The following CACNA2D4 variants were observed in gnomAD, a reference collection of about 807,000 sequenced individuals.
CACNA2D4 encodes the protein voltage-dependent calcium channel subunit alpha-2/delta-4.
In CACNA2D4, 157 loss-of-function variants were observed where a neutral mutation model predicts 163.8. That is an observed-to-expected ratio of 0.96 (90% confidence interval 0.84 to 1.09). The LOEUF is 1.09. Among genes scored for constraint, CACNA2D4 ranks in the 50% least tolerant of loss-of-function variants. CACNA2D4 has a pLI of 0.00. For missense variants in CACNA2D4, 1,410 were observed against 1,479.9 expected, an observed-to-expected ratio of 0.95 and a Z score of 0.78; for synonymous variants, 598 against 586.9, an observed-to-expected ratio of 1.02 and a Z score of -0.27.
chr12:1,814,441 C>T (rs947791892), intron 26 of CACNA2D4, among the ~76,000 whole-genome samples: 4 of 152,314 alleles, frequency 2.6e-5, no homozygotes, highest in African/African-American at 7.2e-5. Flanking sequence ...GCCCTTGGGT[C>T]ACAGAGCGCT....
intron 26 of CACNA2D4, chr12:1,827,863 TCGGGCTCCTGGAAAGCCGAAGCCTGCC>T (rs1184853794): frequency 2.7e-6 from 1 of 373,888 alleles, no homozygotes; most frequent in Non-Finnish European, 4.8e-6. Flanking sequence ...TGCCCGACCC[TCGGGCTCCTGGAAAGCCGAAGCCTGCC>T]CCGCCCCCAT....
intron 6 of CACNA2D4, among the ~76,000 whole-genome samples, chr12:1,902,749 T>C (rs948510326): frequency 1.3e-5 from 2 of 152,122 alleles, no homozygotes; most frequent in Admixed American, 6.5e-5. Context: ...TCCATGTTCA[T>C]GGATTGGAAG....
intron 1 of CACNA2D4, 110 bp from the exon 2 acceptor site, chr12:1,915,045 A>G (rs1866931741): frequency 2.5e-6 from 2 of 802,300 alleles, no homozygotes; most frequent in Non-Finnish European, 4.4e-6. Flanking sequence ...GTCTACACAC[A>G]GACACCTGCT....
chr12:1,801,262 T>C (rs1471684372), intron 30 of CACNA2D4, 144 bp from the exon 31 acceptor site: 2 of 710,762 alleles, frequency 2.8e-6, no homozygotes, highest in Admixed American at 4.2e-5. Context: ...ATACAGCTCA[T>C]GCTGAAAATT....
At chr12:1,871,559 G>T (rs1485065039) in intron 18 of CACNA2D4, among the ~76,000 whole-genome samples, 1 of 151,068 alleles carries the variant, frequency 6.6e-6, no homozygotes, top group Non-Finnish European at 1.5e-5. Flanking sequence ...ACACGTGTGT[G>T]CTGGTGTGTG....
rs1421080395 is a variant in CACNA2D4 at position 1,811,657 on chromosome 12, C to A, written c.2613+5G>T. 4.5e-6 allele frequency: 7 copies of A among 1,559,280 alleles called. No individual in the cohort carries two copies. Among genetic ancestry groups the A allele is most frequent in the Non-Finnish European group, 6.1e-6 (7 of 1,151,134 alleles). On this transcript the variant is annotated splice_donor_5th_base_variant and intron_variant, in intron 27 of 37. Coordinates refer to ENST00000382722, the MANE Select transcript of CACNA2D4 (RefSeq NM_172364.5). ...AGCCCCGACCTGGCCCGACATCACA[C>A]CTACCTGCCGCGTTGCCGCCCAGAA...
At chr12:1,823,320 A>G (rs533360089) in intron 26 of CACNA2D4, 1 of 152,374 alleles carries the variant, frequency 6.6e-6, no homozygotes, top group South Asian at 2.1e-4. Flanking sequence ...GAGACTGATT[A>G]ATTAACCTCC....
rs541423927 is a variant in CACNA2D4 at position 1,828,747 on chromosome 12, T to A, written c.2551+11992A>T. ...CTAGTGGGCTCGTGGGATGCGGCGC[T>A]GGAAGAGACTTTGGGGAGTGGGTCC... On this transcript the variant is annotated intron_variant, in intron 26 of 37. Coordinates refer to ENST00000382722, the MANE Select transcript of CACNA2D4 (RefSeq NM_172364.5). This position sits in a 1 kb window ranked among gnomAD's most constrained non-coding sequence, Gnocchi z 4.2. Among the ~76,000 whole-genome samples the A allele has an allele frequency of 3.9e-5, 6 of 152,166 alleles. No individual in the cohort carries two copies. Among genetic ancestry groups the A allele is most frequent in the Non-Finnish European group, 8.8e-5 (6 of 68,034 alleles).
At chr12:1,826,394 C>A (rs1864316460) in intron 26 of CACNA2D4, among the ~76,000 whole-genome samples, 1 of 126,546 alleles carries the variant, frequency 7.9e-6, no homozygotes, top group Non-Finnish European at 1.6e-5. Context: ...GAGATTTGAA[C>A]CCAGAGCCCC....
chr12:1,793,767 C>CGCAGAGCAGAGGTG lies in CACNA2D4; in HGVS notation c.3310-22_3310-9dup. ...GCAGTCCTGGGCATTCTCCTGCGAACGCAGAGCAGAGGTGACAGCGCGGCG... is the reference window on the plus strand; with the variant it reads ...GCAGTCCTGGGCATTCTCCTGCGAACGCAGAGCAGAGGTGGCAGAGCAGAGGTGACAGCGCGGCG... On this transcript the variant is annotated splice_polypyrimidine_tract_variant and intron_variant, in intron 37 of 37. Coordinates refer to ENST00000382722, the MANE Select transcript of CACNA2D4 (RefSeq NM_172364.5). 6.2e-7 allele frequency: 1 copy of CGCAGAGCAGAGGTG among 1,611,672 alleles called. No homozygotes were observed.
chr12:1,883,121 CG>C lies in CACNA2D4; in HGVS notation c.1352-122del. On this transcript the variant is annotated intron_variant, in intron 12 of 37. Transcript: ENST00000382722. The surrounding 1 kb of genome is among the most constrained non-coding windows in gnomAD (Gnocchi z 4.5). ...GCCGAATACTCTCTGGAAACTGGACCGGGGCACAGGGAGCTGCTTCCCCACA... is the reference window on the plus strand; with the variant it reads ...GCCGAATACTCTCTGGAAACTGGACCGGGCACAGGGAGCTGCTTCCCCACA... 1 of 1,161,856 alleles carries C rather than the reference CG, an allele frequency of 8.6e-7. No homozygotes were observed. Among genetic ancestry groups the C allele is most frequent in the Non-Finnish European group, 1.2e-6 (1 of 831,702 alleles). The allele number at this position is 1,161,856 out of a possible 1,614,324, so 72.0% of individuals were successfully genotyped here. A position where few individuals can be genotyped will look rare whatever the true frequency, so the allele number is the denominator to read the frequency against.
rs1289324671 is a variant in CACNA2D4, at chr12:1,793,742, G to A, written c.3327C>T (p.Cys1109=). The A allele has an allele frequency of 2.5e-6, 4 of 1,613,112 alleles. No individual in the cohort carries two copies. Among genetic ancestry groups the A allele is most frequent in the Admixed American group, 1.7e-5 (1 of 60,014 alleles). The change falls in exon 38 of 38, where the codon TGC becomes TGT. Residue 1109 remains cysteine (C), a synonymous_variant. Coordinates refer to ENST00000382722, the MANE Select transcript of CACNA2D4 (RefSeq NM_172364.5). The stretch of plus-strand genomic sequence containing the variant: ...AGGCTGAGGTGTCCGAGGCGCCGCC[G>A]CAGTCCTGGGCATTCTCCTGCGAAC... ...AFHPEENAQD[C]GGASDTSASP... is the part of the protein sequence containing the mutation.
At chr12:1,887,283 G>T (rs1466489638) in intron 6 of CACNA2D4, among the ~76,000 whole-genome samples, 2 of 152,202 alleles carry the variant, frequency 1.3e-5, no homozygotes. Context: ...AGAGCTGGGG[G>T]TAATTTCACA....
chr12:1,800,363 GC>G, intron 32 of CACNA2D4, 22 bp downstream of exon 32: 1 of 1,613,020 alleles, frequency 6.2e-7, no homozygotes, highest in Non-Finnish European at 8.5e-7. Flanking sequence ...CCCTCCACCA[GC>G]CCCGTGTCTA....
In CACNA2D4 at chr12:1,844,597, C is replaced by G. The variant is rs554855656; in HGVS notation, c.2343-68G>C. On this transcript the variant is annotated intron_variant, in intron 24 of 37. Coordinates refer to ENST00000382722, the MANE Select transcript of CACNA2D4 (RefSeq NM_172364.5). This position sits in a 1 kb window ranked among gnomAD's most constrained non-coding sequence, Gnocchi z 4.2. Reference sequence around the variant, plus strand: ...CACAGTCATCACTCTTTCCTTTTCTCACACAAGGTCAACTTGGCTGGGCTA... The same window carrying G: ...CACAGTCATCACTCTTTCCTTTTCTGACACAAGGTCAACTTGGCTGGGCTA... 1 of 1,535,760 alleles carries G rather than the reference C, an allele frequency of 6.5e-7. No individual in the cohort carries two copies. Among genetic ancestry groups the G allele is most frequent in the African/African-American group, 1.4e-5 (1 of 73,646 alleles).
Position 1,829,609 on chromosome 12 carries a change from A to G in CACNA2D4, c.2551+11130T>C, listed in dbSNP as rs1162489475. Among the ~76,000 whole-genome samples, 1 of 151,742 alleles carries G rather than the reference A, an allele frequency of 6.6e-6. No individual in the cohort carries two copies. The highest frequency in any genetic ancestry group is 1.5e-5 in the Non-Finnish European group (1 of 67,910). The stretch of plus-strand genomic sequence containing the variant: ...GGGGAGAGTCTCATCCTGTTCCTTC[A>G]AGCTCCACCCTTTGGGACAGCAGAC... On this transcript the variant is annotated intron_variant, in intron 26 of 37. Transcript: ENST00000382722. This position sits in a 1 kb window ranked among gnomAD's most constrained non-coding sequence, Gnocchi z 4.2.
rs1335006386 is a variant in CACNA2D4, at chr12:1,882,931, C to G, written c.1421G>C (p.Ser474Thr). 6.2e-7 allele frequency: 1 copy of G among 1,613,588 alleles called. No individual in the cohort carries two copies. Among genetic ancestry groups the G allele is most frequent in the Non-Finnish European group, 8.5e-7 (1 of 1,179,798 alleles). ...ENVMEYLHVL[S>T]RPMVINHDHD... is the part of the protein sequence containing the mutation. ...GTCGTGGTTGATGACCATGGGGCGG[C>G]TGAGCACGTGCAGGTATTCCATCAC... The change falls in exon 13 of 38, where the codon AGC becomes ACC. Residue 474 changes from serine (S) to threonine (T), a missense_variant. Coordinates refer to ENST00000382722, the MANE Select transcript of CACNA2D4 (RefSeq NM_172364.5).
intron 29 of CACNA2D4, among the ~76,000 whole-genome samples, chr12:1,809,019 C>T (rs1048171757): frequency 6.6e-6 from 1 of 152,174 alleles, no homozygotes; most frequent in Non-Finnish European, 1.5e-5. Flanking sequence ...GGAAGTTGAA[C>T]GAAACCATCT....
chr12:1,880,517 C>T (rs1471990122), intron 13 of CACNA2D4, among the ~76,000 whole-genome samples: 1 of 152,260 alleles, frequency 6.6e-6, no homozygotes, highest in African/African-American at 2.4e-5. Context: ...GCTCGCCGTG[C>T]CGGCTCCTCC....
Sources: allele counts gnomAD v4.1 joint callset (sites outside exome capture counted in the v4.1 genomes callset), GRCh38; gene constraint gnomAD v4.1.1; non-coding constraint Gnocchi (gnomAD v3.1); transcripts MANE v1.5; gene names NCBI Gene and HGNC (gene_info 2026-07-23, HGNC 2026-07-21).